The following GIT2 variants were observed in gnomAD, a reference collection of about 807,000 sequenced individuals.
GIT2 encodes GIT ArfGAP 2, also known as ARF GTPase-activating protein GIT2.
Under a neutral mutation model 100.3 loss-of-function variants are expected in GIT2, and 32 were observed. The ratio of observed to expected loss-of-function variants is 0.32; its 90% CI spans 0.24 to 0.43. The LOEUF (loss-of-function observed/expected upper bound fraction) is 0.43, where lower values mean the gene tolerates loss of function less well. Ranked by LOEUF, GIT2 falls within the 20% of genes least tolerant of loss-of-function variation. GIT2 has a pLI of 1.00. For synonymous variants in GIT2, 353 were observed against 364.1 expected (o/e 0.97, Z 0.35); for missense variants, 737 against 975.1 (o/e 0.76, Z 3.25).
Position 109,948,571 on chromosome 12 carries a change from C to A in GIT2, c.1393-1067G>T, listed in dbSNP as rs117809460. On this transcript the variant is annotated intron_variant, in intron 14 of 19. Coordinates refer to ENST00000355312, the MANE Select transcript of GIT2 (RefSeq NM_057169.5). This position sits in a 1 kb window ranked among gnomAD's most constrained non-coding sequence, Gnocchi z 4.3. ...TGCGCAGGGTCCTTCCCTTCTGGTG[C>A]GCCTTCATCTTCCATGGACATTCTA... is the stretch of plus-strand genomic sequence containing the variant. The A allele has an allele frequency of 7.3e-7, 1 of 1,378,336 alleles. No individual in the cohort carries two copies. The highest frequency in any genetic ancestry group is 9.3e-7 in the Non-Finnish European group (1 of 1,072,140). The allele number at this position is 1,378,336 out of a possible 1,614,324, so 85.4% of individuals were successfully genotyped here. A position where few individuals can be genotyped will look rare whatever the true frequency, so the allele number is the denominator to read the frequency against.
At chr12:109,984,689 C>T (rs939242642) in intron 4 of GIT2, among the ~76,000 whole-genome samples, 6 of 151,966 alleles carry the variant, frequency 3.9e-5, no homozygotes, top group African/African-American at 1.4e-4. Flanking sequence ...TGAAGTGATC[C>T]TCCCACCTCG....
At chr12:109,971,108 CATGTCT>C (rs894887943) in intron 7 of GIT2, among the ~76,000 whole-genome samples, 1 of 152,070 alleles carries the variant, frequency 6.6e-6, no homozygotes, top group Non-Finnish European at 1.5e-5. Context: ...TTAAAATCAG[CATGTCT>C]ATGTCTAATA....
At chr12:109,940,404 A>G (rs1445267486) in intron 16 of GIT2, 2 of 152,192 alleles carry the variant, frequency 1.3e-5, no homozygotes, top group East Asian at 3.9e-4. Context: ...AGTGTGAGCT[A>G]TTTCTAGCTT....
At position 109,951,254 on chromosome 12, in the gene GIT2, G is replaced by A. The variant is rs759642073; in HGVS notation, c.1305C>T (p.Asn435=). ...TCTTGGCCTCAGAAGCCACTAGAGC[G>A]TTTTTGACCTCCATAAATTCCTGTA... ...VTVQEFMEVK[N]ALVASEAKIQ... Residue 435 remains asparagine (N), a synonymous_variant, in exon 14 of 20, where the codon AAC becomes AAT. Transcript: ENST00000355312. The A allele has an allele frequency of 8.7e-6, 14 of 1,610,200 alleles. No homozygotes were observed. Among genetic ancestry groups the A allele is most frequent in the East Asian group, 2.2e-5 (1 of 44,872 alleles).
intron 7 of GIT2, among the ~76,000 whole-genome samples, chr12:109,976,245 T>G (rs984454875): frequency 6.6e-6 from 1 of 151,882 alleles, no homozygotes; most frequent in East Asian, 1.9e-4. Flanking sequence ...AGTTGTCAAA[T>G]ATATTACACT....
chr12:109,967,283 A>C (rs1450866029), intron 8 of GIT2, 175 bp downstream of exon 8: 3 of 1,553,422 alleles, frequency 1.9e-6, no homozygotes, highest in Non-Finnish European at 1.8e-6. Context: ...GTGCTCTTTG[A>C]AACTTAAGTT....
At chr12:109,989,532 C>T (rs896601285) in intron 3 of GIT2, among the ~76,000 whole-genome samples, 158 bp downstream of exon 3, 14 of 152,166 alleles carry the variant, frequency 9.2e-5, no homozygotes, top group African/African-American at 3.4e-4. Context: ...TCCTGCCCCA[C>T]CCCATTCTGC....
chr12:109,993,040 C>A (rs1265728452), intron 1 of GIT2, among the ~76,000 whole-genome samples: 1 of 151,436 alleles, frequency 6.6e-6, no homozygotes, highest in Non-Finnish European at 1.5e-5. Flanking sequence ...AAAGAAGTTG[C>A]AATAACAGCA....
chr12:109,967,227 G>T, intron 8 of GIT2: 2 of 869,982 alleles, frequency 2.3e-6, no homozygotes, highest in South Asian at 3.1e-5. Flanking sequence ...CTAAAACAGT[G>T]ACAATATCAC....
chr12:109,950,798 G>A (rs371710929), intron 14 of GIT2: 112 of 177,104 alleles, frequency 6.3e-4, no homozygotes, highest in African/African-American at 2.5e-3. Context: ...TGATAAACAT[G>A]CCCCTGCCCA....
upstream of GIT2, chr12:109,999,567 C>T: frequency 1.4e-6 from 1 of 696,594 alleles, no homozygotes; most frequent in African/African-American, 1.9e-5. This position sits in a 1 kb window ranked among gnomAD's most constrained non-coding sequence, Gnocchi z 4.3. Flanking sequence ...AGCCGGCCGG[C>T]AGCGTAACAC....
In GIT2 at chr12:109,996,119, T is replaced by C. The variant is rs866916089; in HGVS notation, c.52+54A>G. The C allele has an allele frequency of 2.6e-5, 30 of 1,171,064 alleles. No individual in the cohort carries two copies. In the Middle Eastern group the frequency reaches 1.5e-3, roughly 59 times the overall value. The allele number at this position is 1,171,064 out of a possible 1,614,324, so 72.5% of individuals were successfully genotyped here. ...CTGACCTGAGGGGGCGGCCCCGGGGTAGGGGTCCGGGCCAGGAAAGCAGAG... is the reference window on the plus strand; with the variant it reads ...CTGACCTGAGGGGGCGGCCCCGGGGCAGGGGTCCGGGCCAGGAAAGCAGAG... On this transcript the variant is annotated intron_variant, in intron 1 of 19. Transcript: ENST00000355312.
At chr12:109,938,197 T>C (rs1873587469) in intron 18 of GIT2, among the ~76,000 whole-genome samples, 183 bp downstream of exon 18, 1 of 152,182 alleles carries the variant, frequency 6.6e-6, no homozygotes, top group South Asian at 2.1e-4. Context: ...GAAAATACCA[T>C]GTAAATCAAA....
intron 8 of GIT2, among the ~76,000 whole-genome samples, chr12:109,966,708 G>A (rs1882564406): frequency 6.6e-6 from 1 of 151,820 alleles, no homozygotes; most frequent in South Asian, 2.1e-4. Context: ...AGATCAGGAT[G>A]GCAAGATTAT....
chr12:109,957,856 A>G (rs1038225693), intron 12 of GIT2, among the ~76,000 whole-genome samples: 1 of 152,216 alleles, frequency 6.6e-6, no homozygotes, highest in African/African-American at 2.4e-5. Context: ...TACATATAAC[A>G]TCTCTGATGA....
At chr12:109,986,757 T>A (rs1483318227) in intron 4 of GIT2, among the ~76,000 whole-genome samples, 2 of 150,534 alleles carry the variant, frequency 1.3e-5, no homozygotes, top group Non-Finnish European at 2.9e-5. Context: ...AGAGCAAGAC[T>A]CCGTCTCAAA....
At chr12:109,988,855 A>AG in intron 4 of GIT2, 108 bp downstream of exon 4, 1 of 507,860 alleles carries the variant, frequency 2.0e-6, no homozygotes, top group Non-Finnish European at 3.5e-6. Flanking sequence ...TCTCAAAAAA[A>AG]AAAAAAAAAA....
intron 18 of GIT2, among the ~76,000 whole-genome samples, chr12:109,937,901 C>T (rs1425819055): frequency 6.6e-6 from 1 of 152,176 alleles, no homozygotes; most frequent in Non-Finnish European, 1.5e-5. Context: ...CAGGGTTTCA[C>T]CATATTGGTC....
At chr12:109,974,297 T>G (rs1884574298) in intron 7 of GIT2, among the ~76,000 whole-genome samples, 1 of 151,962 alleles carries the variant, frequency 6.6e-6, no homozygotes, top group South Asian at 2.1e-4. Context: ...GAGGCTAAGG[T>G]GGGTGGATCA....
Sources: gnomAD v4.1 joint callset for allele counts (sites outside exome capture counted in the v4.1 genomes callset) on GRCh38, gnomAD v4.1.1 for gene constraint, Gnocchi (gnomAD v3.1) non-coding constraint, MANE v1.5 for transcripts, NCBI Gene and HGNC (gene_info 2026-07-23, HGNC 2026-07-21) for gene names.